SGCD: variants seen among roughly 807,000 people sequenced by gnomAD.
The protein encoded by SGCD is sarcoglycan delta, also known as delta-sarcoglycan.
Under a neutral mutation model 36.6 loss-of-function variants are expected in SGCD, and 18 were observed. The ratio of observed to expected loss-of-function variants is 0.49; its 90% CI spans 0.34 to 0.73. The LOEUF (loss-of-function observed/expected upper bound fraction) is 0.73, where lower values mean the gene tolerates loss of function less well. Among genes scored for constraint, SGCD ranks in the 30% least tolerant of loss-of-function variants. The pLI, the probability that SGCD is intolerant of heterozygous loss-of-function variation, is 0.01. For missense variants in SGCD, 387 were observed against 346.7 expected, an observed-to-expected ratio of 1.12 and a Z score of -0.92; for synonymous variants, 133 against 130.6, an observed-to-expected ratio of 1.02 and a Z score of -0.12.
chr5:155,771,526 C>T, the SGCD span, among the ~76,000 whole-genome samples: 1 of 151,798 alleles, frequency 6.6e-6, no homozygotes, highest in Non-Finnish European at 1.5e-5. Flanking sequence ...CAGGTTCAAG[C>T]GATTCTCCTG....
chr5:156,228,044 CT>C (rs1764902122), intron 3 of SGCD, among the ~76,000 whole-genome samples: 1 of 152,028 alleles, frequency 6.6e-6, no homozygotes, highest in South Asian at 2.1e-4. Context: ...TTTATTGAGG[CT>C]CATTTTGTGT....
chr5:156,232,536 C>G (rs184390830), intron 3 of SGCD, among the ~76,000 whole-genome samples: 1 of 152,102 alleles, frequency 6.6e-6, no homozygotes, highest in South Asian at 2.1e-4. Flanking sequence ...ACTCTGCTTC[C>G]CTGAGAAACT....
At chr5:156,334,711 TTTA>T (rs1768253151) in intron 2 of SGCD, among the ~76,000 whole-genome samples, 1 of 151,524 alleles carries the variant, frequency 6.6e-6, no homozygotes, top group African/African-American at 2.4e-5. Context: ...GGTGTTTATG[TTTA>T]TTATCTGTCT....
Position 156,759,408 on chromosome 5 carries a change from A to T in SGCD, c.*18A>T. On this transcript the variant is annotated 3_prime_UTR_variant, in exon 9 of 9. Transcript: ENST00000337851. ...GCCTCTGAAAGACTATCCATAGTGG[A>T]CATTGTTGGCAGCATAAAGGCCTTT... The T allele has an allele frequency of 1.3e-6, 2 of 1,571,174 alleles. No homozygotes were observed. The highest frequency in any genetic ancestry group is 8.7e-7 in the Non-Finnish European group (1 of 1,154,248).
chr5:156,435,038 A>G (rs1215228071), intron 3 of SGCD, among the ~76,000 whole-genome samples: 1 of 152,226 alleles, frequency 6.6e-6, no homozygotes, highest in African/African-American at 2.4e-5. Flanking sequence ...ATTGTAAAGG[A>G]AAGATCATCT....
intron 5 of SGCD, among the ~76,000 whole-genome samples, chr5:156,593,237 C>T (rs1025486755): frequency 6.6e-5 from 10 of 152,052 alleles, no homozygotes; most frequent in African/African-American, 1.9e-4. Context: ...ATTCCTAGTC[C>T]GACAGTCTTG....
chr5:156,254,897 T>C (rs767868094), intron 3 of SGCD, among the ~76,000 whole-genome samples: 3 of 152,110 alleles, frequency 2.0e-5, no homozygotes, highest in Admixed American at 6.5e-5. Context: ...ATTTATAAAT[T>C]TTCTAGTACA....
At chr5:156,648,423 A>G (rs1763315977) in intron 7 of SGCD, among the ~76,000 whole-genome samples, 1 of 152,156 alleles carries the variant, frequency 6.6e-6, no homozygotes, top group Non-Finnish European at 1.5e-5. Flanking sequence ...CTGAAGATCT[A>G]TGCTTTGCTT....
intron 3 of SGCD, among the ~76,000 whole-genome samples, chr5:156,503,220 C>G (rs1756531434): frequency 1.3e-5 from 2 of 151,860 alleles, no homozygotes; most frequent in South Asian, 4.2e-4. Context: ...ATGTTATAAA[C>G]TGTCTTACAG....
intron 1 of SGCD, among the ~76,000 whole-genome samples, chr5:155,979,733 T>C (rs1357952398): frequency 1.3e-5 from 2 of 152,192 alleles, no homozygotes; most frequent in Admixed American, 1.3e-4. Flanking sequence ...CTGAGGGCTG[T>C]CTGCTGGAAG....
intron 1 of SGCD, among the ~76,000 whole-genome samples, chr5:155,905,750 G>A (rs140455995): frequency 1.3e-5 from 2 of 152,140 alleles, no homozygotes; most frequent in East Asian, 3.9e-4. Context: ...TAAGTCTCAC[G>A]AGATCTGATG....
At chr5:156,374,957 T>C (rs1342448298) in intron 3 of SGCD, among the ~76,000 whole-genome samples, 4 of 151,454 alleles carry the variant, frequency 2.6e-5, no homozygotes, top group Non-Finnish European at 5.9e-5. Context: ...ATATCAAACC[T>C]ACTTACTATA....
At chr5:156,027,778 ATATT>A (rs1431912391) in intron 1 of SGCD, among the ~76,000 whole-genome samples, 2 of 152,210 alleles carry the variant, frequency 1.3e-5, no homozygotes, top group African/African-American at 2.4e-5. Flanking sequence ...TAATATTAAA[ATATT>A]TATTTGATAA....
chr5:156,359,661 GTAT>G (rs1288614119), intron 3 of SGCD, among the ~76,000 whole-genome samples: 3 of 152,124 alleles, frequency 2.0e-5, no homozygotes, highest in South Asian at 2.1e-4. Context: ...TGTGCTTGTG[GTAT>G]TATTAAGATG....
intron 3 of SGCD, among the ~76,000 whole-genome samples, chr5:156,239,975 A>G (rs970618149): frequency 2.6e-5 from 4 of 152,228 alleles, no homozygotes; most frequent in Non-Finnish European, 5.9e-5. Flanking sequence ...TTGTAATTTC[A>G]AAAGGGTCAA....
chr5:156,418,104 C>G (rs149387219), intron 3 of SGCD, among the ~76,000 whole-genome samples: 73 of 152,098 alleles, frequency 4.8e-4, no homozygotes, highest in Non-Finnish European at 8.1e-4. Flanking sequence ...AGCTGAAGCC[C>G]AGAAGGATGG....
chr5:155,822,181 T>G, the SGCD span, among the ~76,000 whole-genome samples: 2 of 152,336 alleles, frequency 1.3e-5, no homozygotes, highest in Non-Finnish European at 2.9e-5. Context: ...ATTTAAATTC[T>G]AGAGTCAGCT....
At chr5:156,601,118 C>T (rs1416940147) in intron 6 of SGCD, among the ~76,000 whole-genome samples, 1 of 152,080 alleles carries the variant, frequency 6.6e-6, no homozygotes, top group Non-Finnish European at 1.5e-5. Flanking sequence ...TCTCTTGTTT[C>T]CTTGGCTGTG....
At chr5:156,448,357 C>T (rs1753836890) in intron 3 of SGCD, among the ~76,000 whole-genome samples, 1 of 152,128 alleles carries the variant, frequency 6.6e-6, no homozygotes, top group South Asian at 2.1e-4. Flanking sequence ...AATGAGATCA[C>T]ATTAATTAGA....
Sources: gnomAD v4.1 joint callset for allele counts (sites outside exome capture counted in the v4.1 genomes callset) on GRCh38, gnomAD v4.1.1 for gene constraint, MANE v1.5 for transcripts, NCBI Gene and HGNC (gene_info 2026-07-23, HGNC 2026-07-21) for gene names.